The following FMN2 variants were observed in gnomAD, a reference collection of about 807,000 sequenced individuals.
The protein encoded by FMN2 is formin 2.
Under a neutral mutation model 142.3 loss-of-function variants are expected in FMN2, and 51 were observed. That is an observed-to-expected ratio of 0.36 (90% CI 0.29 to 0.45). The LOEUF (loss-of-function observed/expected upper bound fraction) is 0.45. FMN2 is among the 20% of genes least tolerant of loss of function. The pLI is 1.00. For synonymous variants in FMN2, 882 were observed against 869.8 expected, an observed-to-expected ratio of 1.01 and a Z score of -0.25; for missense variants, 1,936 against 2,122.8, an observed-to-expected ratio of 0.91 and a Z score of 1.73.
At chr1:240,213,542 T>C (rs1287347448) in intron 6 of FMN2, among the ~76,000 whole-genome samples, 1 of 152,246 alleles carries the variant, frequency 6.6e-6, no homozygotes, top group African/African-American at 2.4e-5. Context: ...TTTAAAATTT[T>C]GTTTAAGGAA....
chr1:240,112,338 G>A (rs1355210342), intron 1 of FMN2, among the ~76,000 whole-genome samples: 2 of 152,028 alleles, frequency 1.3e-5, no homozygotes, highest in Non-Finnish European at 2.9e-5. Flanking sequence ...CACCCTGTTG[G>A]CCAGGTTGGT....
intron 15 of FMN2, 82 bp from the exon 16 acceptor site, chr1:240,437,979 T>C (rs916029720): frequency 1.3e-6 from 2 of 1,490,360 alleles, no homozygotes; most frequent in Non-Finnish European, 9.0e-7. Flanking sequence ...ATGAATAAAA[T>C]CAGCATTTGG....
chr1:240,391,523 A>G (rs1345721337), intron 14 of FMN2, among the ~76,000 whole-genome samples: 1 of 152,188 alleles, frequency 6.6e-6, no homozygotes, highest in Non-Finnish European at 1.5e-5. Flanking sequence ...GAATGATAAT[A>G]AAAAGACAAC....
intron 15 of FMN2, among the ~76,000 whole-genome samples, chr1:240,430,714 T>TAA (rs61378739): frequency 8.4e-4 from 107 of 127,494 alleles, no homozygotes; most frequent in Admixed American, 1.1e-3. Context: ...ACCATTTGAT[T>TAA]AAAAAAAAAA....
In FMN2 at chr1:240,208,384, C is replaced by A. The variant is rs761241566; in HGVS notation, c.3572C>A (p.Pro1191His). The stretch of plus-strand genomic sequence containing the variant: ...GGAATACCTCCTCCGCCCCCTCTAC[C>A]TGGAGTGGGAATACCTCCTCCGCCC... Reference protein sequence around the residue: ...GVGIPPPPPLPGVGIPPPPPL... With the variant: ...GVGIPPPPPLHGVGIPPPPPL... The change falls in exon 5 of 18, where the codon CCT (proline) becomes CAT (histidine). Residue 1191 changes from proline (P) to histidine (H), a missense_variant. Coordinates refer to ENST00000319653, the MANE Select transcript of FMN2 (RefSeq NM_020066.5). 3 of 1,589,030 alleles carry A rather than the reference C, an allele frequency of 1.9e-6. No individual in the cohort carries two copies. In the East Asian group the frequency reaches 6.8e-5, roughly 36 times the overall value.
chr1:240,181,387 A>G (rs2103330462), intron 3 of FMN2, among the ~76,000 whole-genome samples: 1 of 152,204 alleles, frequency 6.6e-6, no homozygotes, highest in Admixed American at 6.5e-5. Flanking sequence ...TGCCTTTTTC[A>G]TGTATCTCAC....
chr1:240,178,894 T>C (rs139749543), intron 3 of FMN2, among the ~76,000 whole-genome samples: 526 of 151,808 alleles, frequency 3.5e-3, no homozygotes, highest in African/African-American at 0.012. Flanking sequence ...AACATAGATA[T>C]TAGAGTTAAG....
intron 2 of FMN2, among the ~76,000 whole-genome samples, chr1:240,158,255 C>G (rs192118523): frequency 6.6e-6 from 1 of 152,188 alleles, no homozygotes; most frequent in East Asian, 1.9e-4. Context: ...GTTTTCAAGG[C>G]CTCAGAGCAT....
intron 6 of FMN2, among the ~76,000 whole-genome samples, chr1:240,216,458 A>G (rs568364416): frequency 1.1e-4 from 17 of 152,352 alleles, no homozygotes; most frequent in African/African-American, 3.8e-4. Flanking sequence ...GGTTTCTTCT[A>G]TGTAATCTAT....
chr1:240,347,176 A>G (rs76007913), intron 13 of FMN2, among the ~76,000 whole-genome samples: 2,084 of 152,332 alleles, frequency 0.014, 24 homozygotes, highest in African/African-American at 0.03. Flanking sequence ...GAAGTTAAAC[A>G]CACGTTGAAG....
chr1:240,377,539 G>A (rs1233419414), intron 14 of FMN2, among the ~76,000 whole-genome samples: 6 of 152,054 alleles, frequency 3.9e-5, no homozygotes, highest in Non-Finnish European at 5.9e-5. Flanking sequence ...GTATCTAGGG[G>A]ATACATTTCT....
At chr1:240,195,234 C>T (rs374254624) in intron 4 of FMN2, among the ~76,000 whole-genome samples, 8 of 152,152 alleles carry the variant, frequency 5.3e-5, no homozygotes, top group Non-Finnish European at 1.2e-4. Flanking sequence ...AGTTGCTTGA[C>T]GTGGACTTTC....
intron 15 of FMN2, among the ~76,000 whole-genome samples, chr1:240,426,946 C>T (rs1037731752): frequency 2.0e-5 from 3 of 151,850 alleles, no homozygotes; most frequent in Admixed American, 1.3e-4. Context: ...ACTATCTTGG[C>T]CAGGCTGGTC....
At chr1:240,112,055 TG>T (rs1255146049) in intron 1 of FMN2, among the ~76,000 whole-genome samples, 1 of 152,214 alleles carries the variant, frequency 6.6e-6, no homozygotes, top group African/African-American at 2.4e-5. Flanking sequence ...GTAATATGTG[TG>T]ATCAATGACA....
chr1:240,438,916 C>G (rs1675501690), intron 16 of FMN2, among the ~76,000 whole-genome samples: 1 of 152,108 alleles, frequency 6.6e-6, no homozygotes, highest in Admixed American at 6.5e-5. Context: ...GCCATAATGC[C>G]AAACTAACTA....
intron 8 of FMN2, among the ~76,000 whole-genome samples, chr1:240,299,194 C>T (rs1224608701): frequency 5.3e-5 from 8 of 152,070 alleles, no homozygotes; most frequent in Admixed American, 4.6e-4. Context: ...GTGATCCACC[C>T]GCCTCGACCT....
At chr1:240,294,362 A>G (rs770412759) in intron 7 of FMN2, among the ~76,000 whole-genome samples, 1 of 152,238 alleles carries the variant, frequency 6.6e-6, no homozygotes. Flanking sequence ...GAATTATAAT[A>G]GGAAATGCCC....
intron 8 of FMN2, among the ~76,000 whole-genome samples, chr1:240,306,238 G>A (rs1372407886): frequency 3.9e-5 from 6 of 152,136 alleles, no homozygotes; most frequent in African/African-American, 9.6e-5. Flanking sequence ...GTGAGCCACC[G>A]CACCCGGCTG....
intron 6 of FMN2, among the ~76,000 whole-genome samples, chr1:240,224,626 A>C (rs1667237485): frequency 6.6e-6 from 1 of 152,112 alleles, no homozygotes; most frequent in Admixed American, 6.6e-5. Context: ...GTGGGAGTCT[A>C]AGTCTTGGCA....
Sources: allele counts gnomAD v4.1 joint callset (sites outside exome capture counted in the v4.1 genomes callset), GRCh38; gene constraint gnomAD v4.1.1; transcripts MANE v1.5; gene names NCBI Gene and HGNC (gene_info 2026-07-23, HGNC 2026-07-21).